FAS: variants seen among roughly 807,000 people sequenced by gnomAD.
The protein encoded by FAS is tumor necrosis factor receptor superfamily member 6.
FAS carries 5 observed loss-of-function variants against 33.2 expected under a neutral mutation model. The observed-to-expected ratio is 0.15, with a 90% CI of 0.08 to 0.32. The LOEUF (loss-of-function observed/expected upper bound fraction) is 0.32. Ranked by LOEUF, FAS falls within the 10% of genes least tolerant of loss-of-function variation. The pLI is 1.00. For synonymous variants in FAS, 131 were observed against 130.7 expected (o/e 1.00, Z -0.01); for missense variants, 339 against 386.0 (o/e 0.88, Z 1.02).
chr10:88,964,167 T>C lies in FAS; in HGVS notation n.95-9015T>C, dbSNP rs137957397. Among the ~76,000 whole-genome samples the C allele has an allele frequency of 6.6e-3, 1,004 of 152,248 alleles. 20 individuals are homozygous for C. Among genetic ancestry groups the C allele is most frequent in the African/African-American group, 0.023 (947 of 41,554 alleles). ...GTTTAGTTTCACATATTTTGCATTG[T>C]ATGGGAGGAAAAAAGAATTCTCTCT... On this transcript the variant is annotated intron_variant and non_coding_transcript_variant, in intron 1 of 3. Transcript: ENST00000688239.
chr10:88,974,697 A>G (rs1846524321), intron 2 of FAS: 1 of 152,210 alleles, frequency 6.6e-6, no homozygotes. Context: ...GAATTCCACC[A>G]GATCATTGAC....
upstream of FAS, chr10:88,990,654 C>A (rs1323654965): frequency 1.4e-6 from 1 of 699,154 alleles, no homozygotes; most frequent in Non-Finnish European, 2.6e-6. This position sits in a 1 kb window ranked among gnomAD's most constrained non-coding sequence, Gnocchi z 4.9. Flanking sequence ...TCTCTGATCT[C>A]GCGCAAGAGT....
chr10:88,989,519 C>A (rs751419200), upstream of FAS: 14 of 544,046 alleles, frequency 2.6e-5, no homozygotes, highest in Non-Finnish European at 7.3e-6. Flanking sequence ...TTCCTCATGG[C>A]ACTAACAGTC....
chr10:88,989,560 C>G (rs746195443), upstream of FAS: 3 of 542,028 alleles, frequency 5.5e-6, no homozygotes, highest in East Asian at 1.3e-4. Flanking sequence ...ACAAGCCTAT[C>G]AACACCTACA....
At chr10:88,983,027 A>C (rs1189740469), upstream of FAS, among the ~76,000 whole-genome samples, 1 of 152,168 alleles carries the variant, frequency 6.6e-6, no homozygotes, top group East Asian at 1.9e-4. Context: ...GAAATTCATA[A>C]CCTCATACTT....
upstream of FAS, among the ~76,000 whole-genome samples, chr10:88,984,770 G>C (rs1018205642): frequency 1.7e-4 from 26 of 152,230 alleles, no homozygotes; most frequent in African/African-American, 6.3e-4. Flanking sequence ...GCTAGAGTGA[G>C]AGAAAGAGAG....
intron 6 of FAS, 29 bp from the exon 7 acceptor site, chr10:89,011,970 G>A: frequency 1.3e-6 from 2 of 1,583,918 alleles, no homozygotes; most frequent in Non-Finnish European, 1.7e-6. Context: ...GCTGAGACCT[G>A]AGTTGATAAA....
chr10:88,983,633 A>G (rs1398891193), upstream of FAS, among the ~76,000 whole-genome samples: 2 of 135,890 alleles, frequency 1.5e-5, no homozygotes, highest in Admixed American at 7.4e-5. Context: ...AAAAAAAAAA[A>G]AAAAAACACA....
chr10:88,994,001 G>A (rs1926195), intron 1 of FAS, among the ~76,000 whole-genome samples: 86,685 of 151,614 alleles, frequency 0.57, 26,065 homozygotes, highest in African/African-American at 0.78. Flanking sequence ...TAGTTAGACT[G>A]ATGAAAAATC....
chr10:89,009,133 T>G (rs1382469874), intron 4 of FAS, 136 bp downstream of exon 4: 2 of 877,984 alleles, frequency 2.3e-6, no homozygotes, highest in African/African-American at 1.6e-5. Context: ...TAGATGACTG[T>G]TTGCTCATTT....
At position 88,990,935 on chromosome 10, in the gene FAS, T is replaced by G. The variant is rs1796684330; in HGVS notation, c.30+29T>G. 6.2e-7 allele frequency: 1 copy of G among 1,614,094 alleles called. No homozygotes were observed. The highest frequency in any genetic ancestry group is 1.3e-5 in the African/African-American group (1 of 75,050). On this transcript the variant is annotated intron_variant, in intron 1 of 8. Coordinates refer to ENST00000652046, the MANE Select transcript of FAS (RefSeq NM_000043.6). This position sits in a 1 kb window ranked among gnomAD's most constrained non-coding sequence, Gnocchi z 4.9. ...AGCCCTCTCCTGCCCGGGTGGAGGC[T>G]TACCCCGTCTTAGTCCCGGGGATAG...
upstream of FAS, chr10:88,989,337 C>G (rs1847028354): frequency 3.7e-5 from 11 of 299,562 alleles, no homozygotes; most frequent in Admixed American, 4.6e-4. Flanking sequence ...TTCCTTCCTT[C>G]TTTTTACATT....
rs1385343837 is a variant in FAS, at chr10:89,017,035, A to G, written c.*2585A>G. ...ATTTGTAATTTTCCTCAGCACTTTA[A>G]AAATATTAAACCATGTTTTCTTAAC... On this transcript the variant is annotated 3_prime_UTR_variant, in exon 9 of 9. Transcript: ENST00000652046. The G allele has an allele frequency of 5.6e-6, 1 of 178,626 alleles. No individual in the cohort carries two copies. Among genetic ancestry groups the G allele is most frequent in the Non-Finnish European group, 1.2e-5 (1 of 83,238 alleles). The allele number at this position is 178,626 out of a possible 1,614,324, so 11.1% of individuals were successfully genotyped here. A position where few individuals can be genotyped will look rare whatever the true frequency, so the allele number is the denominator to read the frequency against.
chr10:88,975,466 A>C (rs890589159), intron 2 of FAS, among the ~76,000 whole-genome samples: 1 of 152,168 alleles, frequency 6.6e-6, no homozygotes, highest in Non-Finnish European at 1.5e-5. Context: ...TTTTCCTGTC[A>C]TTCCTGCTTT....
chr10:89,014,556 T>TC lies in FAS; in HGVS notation c.*107dup. On this transcript the variant is annotated 3_prime_UTR_variant, in exon 9 of 9. Transcript: ENST00000652046. ...TTGGTTTTTTACTGGGTACATTTTA[T>TC]CATTTATTAGCGCTGAAGAGCCAAC... 3.8e-6 allele frequency: 4 copies of TC among 1,051,380 alleles called. No individual in the cohort carries two copies. Among genetic ancestry groups the TC allele is most frequent in the Non-Finnish European group, 2.8e-6 (2 of 704,090 alleles). The allele number at this position is 1,051,380 out of a possible 1,614,324, so 65.1% of individuals were successfully genotyped here.
chr10:88,997,490 C>A (rs1847671215), intron 1 of FAS, among the ~76,000 whole-genome samples: 1 of 152,164 alleles, frequency 6.6e-6, no homozygotes, highest in Non-Finnish European at 1.5e-5. Context: ...AGAAAGAGGA[C>A]ATCCCTGGGA....
In FAS at chr10:88,998,347, CAAAAA is replaced by C. The variant is rs3074154; in HGVS notation, c.31-4671_31-4667del. ...TTATATAGCTTTAGTTAAAAAAAAG[CAAAAA>C]AAAAAAAAAATCAAAACAAAAACAG... On this transcript the variant is annotated intron_variant, in intron 1 of 8. Transcript: ENST00000652046. 8.5e-5 allele frequency among the ~76,000 whole-genome samples: 12 copies of C among 141,784 alleles called. No homozygotes were observed. In the East Asian group the frequency reaches 1.4e-3, roughly 16 times the overall value. The allele number at this position is 141,784 out of a possible 152,430, so 93.0% of individuals were successfully genotyped here. A position where few individuals can be genotyped will look rare whatever the true frequency, so the allele number is the denominator to read the frequency against.
At chr10:89,003,932 C>CA (rs1848075610) in intron 2 of FAS, among the ~76,000 whole-genome samples, 1 of 152,170 alleles carries the variant, frequency 6.6e-6, no homozygotes, top group Non-Finnish European at 1.5e-5. Flanking sequence ...TTCCAGCACT[C>CA]AAGCTGTAAA....
chr10:88,986,231 CT>C (rs1467889357), upstream of FAS, among the ~76,000 whole-genome samples: 1 of 152,142 alleles, frequency 6.6e-6, no homozygotes, highest in African/African-American at 2.4e-5. Context: ...AAAGTGGTCC[CT>C]ATCTTTCCTT....
Sources: allele counts gnomAD v4.1 joint callset (sites outside exome capture counted in the v4.1 genomes callset), GRCh38; gene constraint gnomAD v4.1.1; non-coding constraint Gnocchi (gnomAD v3.1); transcripts MANE v1.5; gene names NCBI Gene and HGNC (gene_info 2026-07-23, HGNC 2026-07-21).